HCN4: variants seen among roughly 807,000 people sequenced by gnomAD.
The protein encoded by HCN4 is hyperpolarization activated cyclic nucleotide gated potassium channel 4.
In HCN4, 29 loss-of-function variants were observed where a neutral mutation model predicts 76.9. That is an observed-to-expected ratio of 0.38 (90% CI 0.28 to 0.51). The LOEUF is 0.51. Ranked by LOEUF, HCN4 falls within the 20% of genes least tolerant of loss-of-function variation. The pLI, the probability that HCN4 is intolerant of heterozygous loss-of-function variation, is 0.90. For missense variants in HCN4, 1,416 were observed against 1,715.2 expected (o/e 0.83, Z 3.08); for synonymous variants, 772 against 762.5 (o/e 1.01, Z -0.21).
At position 73,323,831 on chromosome 15, in the gene HCN4, G is replaced by A. The variant is rs775439464; in HGVS notation, c.2262C>T (p.His754=). The change falls in exon 8 of 8, where the codon CAC becomes CAT. Residue 754 remains histidine, a synonymous_variant. Coordinates refer to ENST00000261917, the MANE Select transcript of HCN4 (RefSeq NM_005477.3). The part of the protein sequence containing the change: ...QIVQHDREMA[H]CAHRVQAAAS... ...CAGCAGCCTGGACGCGGTGCGCGCA[G>A]TGGGCCATCTCCCGGTCATGCTGCA... The A allele has an allele frequency of 1.2e-6, 2 of 1,606,054 alleles. No individual in the cohort carries two copies. Among genetic ancestry groups the A allele is most frequent in the Non-Finnish European group, 8.5e-7 (1 of 1,179,916 alleles).
intron 1 of HCN4, among the ~76,000 whole-genome samples, chr15:73,355,691 T>C (rs1466395349): frequency 6.6e-6 from 1 of 152,208 alleles, no homozygotes; most frequent in African/African-American, 2.4e-5. Flanking sequence ...GTTTATCTGA[T>C]GGGCTAATTC....
At chr15:73,344,038 T>C (rs1207034046) in intron 1 of HCN4, among the ~76,000 whole-genome samples, 1 of 152,050 alleles carries the variant, frequency 6.6e-6, no homozygotes, top group Non-Finnish European at 1.5e-5. Context: ...CTTCTGTGAG[T>C]TTCCCCGAGC....
In HCN4 at chr15:73,323,460, G is replaced by A; in HGVS notation, c.2633C>T (p.Ser878Phe). ...GGCCCCGGGGGGTGGGGAGGAGCTG[G>A]ATGAGGGCAGGAGTGGGCTCAGTCC... ...PAGLSPLLPS[S>F]SSSPPPGACG... is the part of the protein sequence containing the mutation. Residue 878 changes from serine to phenylalanine, a missense_variant, in exon 8 of 8, where the codon TCC (serine) becomes TTC (phenylalanine). Coordinates refer to ENST00000261917, the MANE Select transcript of HCN4 (RefSeq NM_005477.3). 1.2e-6 allele frequency: 2 copies of A among 1,608,318 alleles called. No homozygotes were observed.
rs149138108 is a variant in HCN4, at chr15:73,325,884, C to T, written c.1591-440G>A. On this transcript the variant is annotated intron_variant, in intron 4 of 7. Coordinates refer to ENST00000261917, the MANE Select transcript of HCN4 (RefSeq NM_005477.3). This position sits in a 1 kb window ranked among gnomAD's most constrained non-coding sequence, Gnocchi z 7.4. ...CTGGCACAGTCAGGAGGCAAGGGTG[C>T]GATGGATCAGAACGCTCAGAGGCAG... is the stretch of plus-strand genomic sequence containing the variant. 3.3e-5 allele frequency among the ~76,000 whole-genome samples: 5 copies of T among 152,220 alleles called. No individual in the cohort carries two copies. The East Asian group carries it at 7.7e-4, about 24-fold the overall frequency.
rs772582176 is a variant in HCN4 at position 73,322,690 on chromosome 15, GGCCCCCGCTGCTCCCACT to G, written c.3385_3402del (p.Ser1129_Gly1134del). The G allele has an allele frequency of 5.1e-6, 8 of 1,582,648 alleles. No individual in the cohort carries two copies. Among genetic ancestry groups the G allele is most frequent in the Admixed American group, 1.8e-5 (1 of 55,178 alleles). On this transcript the variant is annotated inframe_deletion, in exon 8 of 8. Transcript: ENST00000261917. ...CCATAGGGCCTCCCAGGGGGACCGAGGCCCCCGCTGCTCCCACTGCCCCCGCTGCCACCCCCAGCCCTG... is the reference window on the plus strand; with the variant it reads ...CCATAGGGCCTCCCAGGGGGACCGAGGCCCCCGCTGCCACCCCCAGCCCTG...
intron 1 of HCN4, among the ~76,000 whole-genome samples, chr15:73,350,773 CCTCT>C (rs2043052241): frequency 6.6e-6 from 1 of 151,938 alleles, no homozygotes; most frequent in African/African-American, 2.4e-5. Flanking sequence ...CAGAAGATTC[CCTCT>C]CTCTCTTCCA....
chr15:73,335,540 C>T (rs1029293296), intron 2 of HCN4: 1 of 152,392 alleles, frequency 6.6e-6, no homozygotes, highest in Non-Finnish European at 1.5e-5. Context: ...CAAAACCACA[C>T]CAGAGCACAG....
At chr15:73,333,673 G>A (rs1017565161) in intron 2 of HCN4, among the ~76,000 whole-genome samples, 1 of 152,182 alleles carries the variant, frequency 6.6e-6, no homozygotes, top group Non-Finnish European at 1.5e-5. Flanking sequence ...AGTGGACAGC[G>A]AAAGGTTCAT....
chr15:73,357,883 G>A (rs1372454557), intron 1 of HCN4, among the ~76,000 whole-genome samples: 6 of 152,226 alleles, frequency 3.9e-5, no homozygotes, highest in Non-Finnish European at 5.9e-5. Flanking sequence ...GCTGGACCTC[G>A]GTGACAGAGC....
At chr15:73,353,156 A>G (rs943652346) in intron 1 of HCN4, among the ~76,000 whole-genome samples, 2 of 152,212 alleles carry the variant, frequency 1.3e-5, no homozygotes, top group African/African-American at 4.8e-5. Context: ...GGGTGGGAAT[A>G]TATCGTGACT....
At chr15:73,365,430 G>C (rs745321411) in intron 1 of HCN4, among the ~76,000 whole-genome samples, 1 of 152,114 alleles carries the variant, frequency 6.6e-6, no homozygotes, top group Non-Finnish European at 1.5e-5. Context: ...CCCTTTTCCT[G>C]TTGCCCATTT....
rs142752432 is a variant in HCN4, at chr15:73,355,734, A to G, written c.785+11752T>C. 2.7e-3 allele frequency among the ~76,000 whole-genome samples: 411 copies of G among 152,204 alleles called. 2 individuals are homozygous for G. Among genetic ancestry groups the G allele is most frequent in the Middle Eastern group, 0.01 (3 of 294 alleles). On this transcript the variant is annotated intron_variant, in intron 1 of 7. Transcript: ENST00000261917. ...GCAGACCCTATGTTGCATATGCAGA[A>G]ACACACCAGTGAATATGTACATGCG... is the stretch of plus-strand genomic sequence containing the variant.
intron 2 of HCN4, among the ~76,000 whole-genome samples, chr15:73,340,075 G>T (rs1219610108): frequency 1.3e-5 from 2 of 152,130 alleles, no homozygotes; most frequent in Non-Finnish European, 2.9e-5. Context: ...GCCTCCTGGG[G>T]CCTCTGCCTC....
In HCN4 at chr15:73,325,820, T is replaced by C. The variant is rs1463351563; in HGVS notation, c.1591-376A>G. The stretch of plus-strand genomic sequence containing the variant: ...CTGGGGACAGGGAGGCCTCACCGAC[T>C]CTGCGGGGAAAGAAGCTGTTTCCTC... On this transcript the variant is annotated intron_variant, in intron 4 of 7. Coordinates refer to ENST00000261917, the MANE Select transcript of HCN4 (RefSeq NM_005477.3). The surrounding 1 kb of genome is among the most constrained non-coding windows in gnomAD (Gnocchi z 7.4). Among the ~76,000 whole-genome samples the C allele has an allele frequency of 2.6e-5, 4 of 152,174 alleles. No individual in the cohort carries two copies.
At chr15:73,342,549 G>A (rs187340296) in intron 2 of HCN4, among the ~76,000 whole-genome samples, 1 of 152,308 alleles carries the variant, frequency 6.6e-6, no homozygotes, top group Admixed American at 6.5e-5. Context: ...CAACTCCAAG[G>A]TGTGGCGCAC....
intron 2 of HCN4, chr15:73,342,397 A>C (rs2043010328): frequency 6.6e-6 from 1 of 152,238 alleles, no homozygotes; most frequent in Admixed American, 6.5e-5. Context: ...CTCTACAGCC[A>C]GCGGCCGCAC....
At chr15:73,355,079 G>A (rs1193485420) in intron 1 of HCN4, among the ~76,000 whole-genome samples, 1 of 152,218 alleles carries the variant, frequency 6.6e-6, no homozygotes, top group Admixed American at 6.5e-5. Context: ...AAGGAGCAGG[G>A]GGCAGCATGC....
chr15:73,325,562 C>T lies in HCN4; in HGVS notation c.1591-118G>A. The T allele has an allele frequency of 1.9e-6, 2 of 1,033,662 alleles. No individual in the cohort carries two copies. The highest frequency in any genetic ancestry group is 3.0e-6 in the Non-Finnish European group (2 of 660,680). 64.0% of individuals were successfully genotyped at this position (1,033,662 alleles called of 1,614,324 possible). ...CACCCCGGGGGATTTCCTGGCTAAA[C>T]TTGGTTCCTTGAGATCTGAGGTCTA... On this transcript the variant is annotated intron_variant, in intron 4 of 7. Transcript: ENST00000261917. This position sits in a 1 kb window ranked among gnomAD's most constrained non-coding sequence, Gnocchi z 7.4.
intron 1 of HCN4, among the ~76,000 whole-genome samples, chr15:73,352,642 G>T (rs1007146102): frequency 6.6e-6 from 1 of 152,170 alleles, no homozygotes; most frequent in Non-Finnish European, 1.5e-5. Context: ...CTGTGCAGGC[G>T]GTGGGAGCAG....
Sources: allele counts gnomAD v4.1 joint callset (sites outside exome capture counted in the v4.1 genomes callset), GRCh38; gene constraint gnomAD v4.1.1; non-coding constraint Gnocchi (gnomAD v3.1); transcripts MANE v1.5; gene names NCBI Gene and HGNC (gene_info 2026-07-23, HGNC 2026-07-21).